The following FAM13A variants were observed in gnomAD, a reference collection of about 807,000 sequenced individuals.
FAM13A encodes protein FAM13A.
FAM13A carries 76 observed loss-of-function variants against 129.6 expected under a neutral mutation model. That is an observed-to-expected ratio of 0.59 (90% CI 0.49 to 0.71). FAM13A has a LOEUF of 0.71. Among genes scored for constraint, FAM13A ranks in the 30% least tolerant of loss-of-function variants. The pLI, the probability that FAM13A is intolerant of heterozygous loss-of-function variation, is 0.00. For missense variants in FAM13A, 1,108 were observed against 1,249.3 expected, an observed-to-expected ratio of 0.89 and a Z score of 1.70; for synonymous variants, 443 against 449.9, an observed-to-expected ratio of 0.98 and a Z score of 0.20.
chr4:88,866,299 G>A (rs1474326054), intron 6 of FAM13A, among the ~76,000 whole-genome samples: 1 of 151,864 alleles, frequency 6.6e-6, no homozygotes, highest in Non-Finnish European at 1.5e-5. Flanking sequence ...CCCCATCTCA[G>A]CCTCCCAAAG....
At chr4:88,777,884 T>C (rs1722089753) in intron 11 of FAM13A, among the ~76,000 whole-genome samples, 1 of 152,182 alleles carries the variant, frequency 6.6e-6, no homozygotes, top group South Asian at 2.1e-4. Context: ...TCGCAGTCTT[T>C]TACTTGACCT....
chr4:88,946,591 C>G (rs1019880968), intron 4 of FAM13A, among the ~76,000 whole-genome samples: 2 of 152,012 alleles, frequency 1.3e-5, no homozygotes, highest in African/African-American at 4.8e-5. Context: ...GCTGACACTT[C>G]TTGCTGCATA....
At position 88,892,248 on chromosome 4, in the gene FAM13A, C is replaced by T. The variant is rs558452825; in HGVS notation, c.843+14131G>A. On this transcript the variant is annotated intron_variant, in intron 6 of 23. Coordinates refer to ENST00000264344, the MANE Select transcript of FAM13A (RefSeq NM_014883.4). ...AGGCTGGAGTGCAGTGGCGAGATCTCGGCTCACTGCAAGCTCCACCTCCCG... is the reference window on the plus strand; with the variant it reads ...AGGCTGGAGTGCAGTGGCGAGATCTTGGCTCACTGCAAGCTCCACCTCCCG... Among the ~76,000 whole-genome samples, 183 of 145,804 alleles carry T rather than the reference C, an allele frequency of 1.3e-3. 2 individuals carry two copies. The highest frequency in any genetic ancestry group is 4.4e-3 in the African/African-American group (174 of 39,336).
chr4:88,740,081 G>C (rs1426647976), intron 19 of FAM13A, among the ~76,000 whole-genome samples: 1 of 152,106 alleles, frequency 6.6e-6, no homozygotes, highest in Admixed American at 6.5e-5. Flanking sequence ...CATACTTCAA[G>C]CTTCAGAAAT....
rs192393140 is a variant in FAM13A, at chr4:88,764,117, A to T, written c.1578+3436T>A. ...TAATATTAATTCTCAGTCTTGATTG[A>T]AAAGCCTTGTCTCCTCTCCTTCTTT... is the stretch of plus-strand genomic sequence containing the variant. On this transcript the variant is annotated intron_variant, in intron 13 of 23. Coordinates refer to ENST00000264344, the MANE Select transcript of FAM13A (RefSeq NM_014883.4). Among the ~76,000 whole-genome samples, 352 of 152,286 alleles carry T rather than the reference A, an allele frequency of 2.3e-3. 3 individuals carry two copies. Among genetic ancestry groups the T allele is most frequent in the South Asian group, 6.9e-3 (33 of 4,816 alleles).
At chr4:88,793,404 C>A (rs1411162245) in intron 8 of FAM13A, among the ~76,000 whole-genome samples, 1 of 151,878 alleles carries the variant, frequency 6.6e-6, no homozygotes, top group African/African-American at 2.4e-5. Context: ...CATATTTTTG[C>A]TAGCATATTT....
intron 6 of FAM13A, among the ~76,000 whole-genome samples, chr4:88,883,618 A>G (rs1743952235): frequency 6.6e-6 from 1 of 152,112 alleles, no homozygotes; most frequent in Non-Finnish European, 1.5e-5. Flanking sequence ...AGAAACAAGA[A>G]CAAACTAAAC....
In FAM13A at chr4:89,027,926, C is replaced by T. The variant is rs540007119; in HGVS notation, c.217+1534G>A. Among the ~76,000 whole-genome samples, 7 of 151,928 alleles carry T rather than the reference C, an allele frequency of 4.6e-5. No individual in the cohort carries two copies. The South Asian group carries it at 6.2e-4, about 14-fold the overall frequency. On this transcript the variant is annotated intron_variant, in intron 2 of 23. Coordinates refer to ENST00000264344, the MANE Select transcript of FAM13A (RefSeq NM_014883.4). ...CATTTAAAACTGATGAATTGGTGGC[C>T]GGGTGCAGTGGCTTAGGCCTGGAAT... is the stretch of plus-strand genomic sequence containing the variant.
At chr4:88,822,263 T>C (rs1732117695) in intron 7 of FAM13A, among the ~76,000 whole-genome samples, 1 of 152,190 alleles carries the variant, frequency 6.6e-6, no homozygotes, top group Admixed American at 6.5e-5. Context: ...CCTACATTCT[T>C]CACTTCTTAG....
chr4:88,750,996 C>T (rs1253008166), intron 14 of FAM13A, among the ~76,000 whole-genome samples: 1 of 152,228 alleles, frequency 6.6e-6, no homozygotes, highest in Non-Finnish European at 1.5e-5. Context: ...AATCCCAGCA[C>T]TTTGGGAAGC....
chr4:88,968,253 T>C (rs2446306), intron 4 of FAM13A, among the ~76,000 whole-genome samples: 1 of 152,220 alleles, frequency 6.6e-6, no homozygotes, highest in Non-Finnish European at 1.5e-5. Flanking sequence ...ACAAAGGTCA[T>C]CATCTGATTA....
chr4:88,740,947 C>T (rs981848261), intron 19 of FAM13A, among the ~76,000 whole-genome samples: 1 of 152,156 alleles, frequency 6.6e-6, no homozygotes, highest in Non-Finnish European at 1.5e-5. Flanking sequence ...AATTATTTTA[C>T]AGAAAAAGAC....
Position 88,759,022 on chromosome 4 carries a change from C to T in FAM13A, c.1579-121G>A, listed in dbSNP as rs186445692. On this transcript the variant is annotated intron_variant, in intron 13 of 23. Coordinates refer to ENST00000264344, the MANE Select transcript of FAM13A (RefSeq NM_014883.4). ...GTCACAGCTGCTAATGCATCCAGCA[C>T]AGAAATAAAAATCATGGCTTGATGC... 2.8e-4 allele frequency: 289 copies of T among 1,041,000 alleles called. No individual in the cohort carries two copies. The African/African-American group carries it at 4.3e-3, about 15-fold the overall frequency. 64.5% of individuals were successfully genotyped at this position (1,041,000 alleles called of 1,614,324 possible). A position where few individuals can be genotyped will look rare whatever the true frequency, so the allele number is the denominator to read the frequency against.
intron 6 of FAM13A, among the ~76,000 whole-genome samples, chr4:88,851,829 T>C (rs1032539784): frequency 6.6e-6 from 1 of 152,240 alleles, no homozygotes; most frequent in Non-Finnish European, 1.5e-5. Flanking sequence ...CTTCTCAGAC[T>C]GTGTCTGAAG....
chr4:88,815,548 G>A (rs1263611662), intron 7 of FAM13A, among the ~76,000 whole-genome samples: 2 of 151,994 alleles, frequency 1.3e-5, no homozygotes, highest in African/African-American at 2.4e-5. Context: ...AATTTGAAAG[G>A]GATTTTAAAT....
chr4:89,002,873 T>A (rs1249831980), intron 3 of FAM13A, among the ~76,000 whole-genome samples: 1 of 151,774 alleles, frequency 6.6e-6, no homozygotes, highest in African/African-American at 2.4e-5. Context: ...GAATCAAAAG[T>A]GAGATTATTT....
intron 1 of FAM13A, among the ~76,000 whole-genome samples, chr4:89,053,272 G>A (rs555740711): frequency 5.9e-5 from 9 of 152,212 alleles, no homozygotes; most frequent in African/African-American, 1.9e-4. Context: ...ATCTTTCCAT[G>A]AACTGATAAT....
In FAM13A at chr4:89,004,942, A is replaced by G. The variant is rs577712058; in HGVS notation, c.428-13792T>C. On this transcript the variant is annotated intron_variant, in intron 3 of 23. Transcript: ENST00000264344. ...TAACTTTTATTTTAGGTTCGGGGGT[A>G]CATGTGAAGGTTTGTTACATAGGTA... Among the ~76,000 whole-genome samples, 344 of 151,598 alleles carry G rather than the reference A, an allele frequency of 2.3e-3. 1 individual carries two copies. The highest frequency in any genetic ancestry group is 8.0e-3 in the African/African-American group (331 of 41,364).
At chr4:88,936,201 A>C (rs1425305807) in intron 5 of FAM13A, 1 of 152,200 alleles carries the variant, frequency 6.6e-6, no homozygotes, top group Non-Finnish European at 1.5e-5. Context: ...AGATCTCAAC[A>C]GGTGTTATTT....
Sources: allele counts gnomAD v4.1 joint callset (sites outside exome capture counted in the v4.1 genomes callset), GRCh38; gene constraint gnomAD v4.1.1; transcripts MANE v1.5; gene names NCBI Gene and HGNC (gene_info 2026-07-23, HGNC 2026-07-21).